Variants in NAALADL2 observed in about 807,000 individuals in gnomAD.
NAALADL2 encodes inactive N-acetylated-alpha-linked acidic dipeptidase-like protein 2.
NAALADL2 carries 76 observed loss-of-function variants against 87.2 expected under a neutral mutation model. The observed-to-expected ratio is 0.87, with a 90% CI of 0.72 to 1.05. The LOEUF is 1.05. NAALADL2 is among the 50% of genes least tolerant of loss of function. The pLI, the probability that NAALADL2 is intolerant of heterozygous loss-of-function variation, is 0.00. For missense variants in NAALADL2, 1,089 were observed against 945.8 expected, an observed-to-expected ratio of 1.15 and a Z score of -1.99; for synonymous variants, 354 against 331.0, an observed-to-expected ratio of 1.07 and a Z score of -0.75.
chr3:174,485,493 A>G (rs79765392), intron 1 of NAALADL2, among the ~76,000 whole-genome samples: 4,346 of 146,868 alleles, frequency 0.03, 203 homozygotes, highest in African/African-American at 0.1. Flanking sequence ...GTTTCCCTCT[A>G]TGTGTTCATA....
chr3:174,545,824 TTTTA>T (rs924899146), intron 1 of NAALADL2, among the ~76,000 whole-genome samples: 65 of 151,636 alleles, frequency 4.3e-4, no homozygotes, highest in African/African-American at 1.4e-3. Context: ...AGTTCCTTAG[TTTTA>T]TTTTTTATTA....
At chr3:175,471,124 C>T (rs897977718) in intron 8 of NAALADL2, among the ~76,000 whole-genome samples, 5 of 152,082 alleles carry the variant, frequency 3.3e-5, no homozygotes, top group Non-Finnish European at 7.4e-5. Flanking sequence ...TAACTCTTAC[C>T]ACTCTTGTTT....
At chr3:175,026,227 A>G (rs765008762) in intron 1 of NAALADL2, among the ~76,000 whole-genome samples, 3 of 152,146 alleles carry the variant, frequency 2.0e-5, no homozygotes, top group Non-Finnish European at 4.4e-5. Flanking sequence ...GGCAATATTA[A>G]TGAGAAAATA....
chr3:174,566,687 T>A (rs969856987), intron 2 of NAALADL2, among the ~76,000 whole-genome samples: 5 of 151,836 alleles, frequency 3.3e-5, no homozygotes, highest in African/African-American at 1.2e-4. Context: ...TCCAACTACT[T>A]AATTTCTTCA....
At chr3:175,606,866 A>G (rs1240328572) in intron 10 of NAALADL2, among the ~76,000 whole-genome samples, 2 of 152,210 alleles carry the variant, frequency 1.3e-5, no homozygotes, top group Admixed American at 6.5e-5. Flanking sequence ...CTTACATTTC[A>G]GCAGCATGTG....
At chr3:174,704,001 A>G (rs1729824364) in intron 2 of NAALADL2, among the ~76,000 whole-genome samples, 1 of 152,196 alleles carries the variant, frequency 6.6e-6, no homozygotes, top group African/African-American at 2.4e-5. Context: ...AATCTACTTT[A>G]TCTATCAGTT....
chr3:175,744,028 G>A (rs1007412917), intron 12 of NAALADL2, among the ~76,000 whole-genome samples: 2 of 152,194 alleles, frequency 1.3e-5, no homozygotes, highest in Admixed American at 6.5e-5. Context: ...TGGTACAAAA[G>A]CACAGGGTGA....
At chr3:174,838,759 A>G (rs1294727713) in intron 3 of NAALADL2, among the ~76,000 whole-genome samples, 1 of 152,218 alleles carries the variant, frequency 6.6e-6, no homozygotes, top group African/African-American at 2.4e-5. Flanking sequence ...TGCAAAAAAT[A>G]AAATAAAATA....
chr3:175,733,353 G>A (rs1175871349), intron 11 of NAALADL2, among the ~76,000 whole-genome samples: 1 of 152,118 alleles, frequency 6.6e-6, no homozygotes, highest in Non-Finnish European at 1.5e-5. Context: ...CATCTTACGT[G>A]GTTGGTGGCA....
chr3:175,166,176 A>G lies in NAALADL2; in HGVS notation c.546-67755A>G, dbSNP rs71312313. Among the ~76,000 whole-genome samples the G allele has an allele frequency of 7.6e-3, 1,151 of 152,132 alleles. 2 individuals are homozygous for G. The highest frequency in any genetic ancestry group is 0.023 in the South Asian group (111 of 4,820). On this transcript the variant is annotated intron_variant, in intron 2 of 13. Coordinates refer to ENST00000454872, the MANE Select transcript of NAALADL2 (RefSeq NM_207015.3). ...ATTACCTTCAGAATCATGCCTTAGA[A>G]AATCTTACCCCTTGAACATGACTTT...
intron 4 of NAALADL2, among the ~76,000 whole-genome samples, chr3:175,318,988 ATTC>A (rs1759501116): frequency 2.0e-5 from 3 of 152,158 alleles, no homozygotes; most frequent in African/African-American, 7.2e-5. Flanking sequence ...ATTTTTATAT[ATTC>A]TTCTATAGTA....
At chr3:174,885,027 C>G (rs753249069) in intron 1 of NAALADL2, among the ~76,000 whole-genome samples, 1 of 152,118 alleles carries the variant, frequency 6.6e-6, no homozygotes, top group Non-Finnish European at 1.5e-5. Context: ...CAGCATGAGT[C>G]AGGGAGGGGA....
intron 1 of NAALADL2, among the ~76,000 whole-genome samples, chr3:175,064,713 A>T (rs1030985489): frequency 6.6e-6 from 1 of 152,114 alleles, no homozygotes; most frequent in Non-Finnish European, 1.5e-5. Flanking sequence ...AAGTGATCTT[A>T]CTCATGTAGC....
chr3:174,692,059 A>G (rs1361103763), intron 2 of NAALADL2: 2 of 152,208 alleles, frequency 1.3e-5, no homozygotes, highest in Non-Finnish European at 2.9e-5. Flanking sequence ...TAATATTGGT[A>G]TGTTGACCTC....
At chr3:175,102,144 G>A (rs1487044945) in intron 2 of NAALADL2, among the ~76,000 whole-genome samples, 5 of 152,034 alleles carry the variant, frequency 3.3e-5, no homozygotes, top group African/African-American at 1.2e-4. Context: ...CCATTATATG[G>A]ATGTCATGTA....
At chr3:175,569,650 C>T (rs759544636) in intron 9 of NAALADL2, among the ~76,000 whole-genome samples, 13 of 152,170 alleles carry the variant, frequency 8.5e-5, no homozygotes, top group East Asian at 1.9e-4. Flanking sequence ...CTCCTCATCA[C>T]GTAAGGATAC....
rs775194376 is a variant in NAALADL2, at chr3:175,755,244, TGTTA to T, written c.2017_2020del (p.Leu673ProfsTer35). The T allele has an allele frequency of 6.2e-7, 1 of 1,613,254 alleles. No homozygotes were observed. Among genetic ancestry groups the T allele is most frequent in the East Asian group, 2.2e-5 (1 of 44,852 alleles). On this transcript the variant is annotated frameshift_variant, in exon 13 of 14. Coordinates refer to ENST00000454872, the MANE Select transcript of NAALADL2 (RefSeq NM_207015.3). LOFTEE classifies it high-confidence loss of function. ...GGTGATCAACCCAACACTCATCAAC[TGTTA>T]GCCATGGCGTTACGCCTGCGGGAGA...
intron 12 of NAALADL2, among the ~76,000 whole-genome samples, chr3:175,742,644 G>A (rs867996684): frequency 2.0e-5 from 3 of 152,110 alleles, no homozygotes; most frequent in South Asian, 4.1e-4. Flanking sequence ...TGATCCGCCC[G>A]CCTTGGCCTC....
intron 1 of NAALADL2, among the ~76,000 whole-genome samples, chr3:174,532,367 A>T (rs1476214043): frequency 6.6e-6 from 1 of 152,176 alleles, no homozygotes; most frequent in African/African-American, 2.4e-5. Flanking sequence ...TGAGATTTCT[A>T]GCTCTGCCAA....
Sources: gnomAD v4.1 joint callset for allele counts (sites outside exome capture counted in the v4.1 genomes callset) on GRCh38, gnomAD v4.1.1 for gene constraint, MANE v1.5 for transcripts, NCBI Gene and HGNC (gene_info 2026-07-23, HGNC 2026-07-21) for gene names.